CAST: variants seen among roughly 807,000 people sequenced by gnomAD.
CAST encodes the protein calpastatin, also known as MIR583 host.
In CAST, 76 loss-of-function variants were observed where a neutral mutation model predicts 119.6. The observed-to-expected ratio is 0.64, with a 90% CI of 0.53 to 0.77. CAST has a LOEUF of 0.77. CAST is among the 30% of genes least tolerant of loss of function. The pLI, the probability that CAST is intolerant of heterozygous loss-of-function variation, is 0.00. For missense variants in CAST, 953 were observed against 946.5 expected (o/e 1.01, Z -0.09); for synonymous variants, 319 against 331.6 (o/e 0.96, Z 0.41).
intron 1 of CAST, among the ~76,000 whole-genome samples, chr5:96,531,540 A>G (rs1265776172): frequency 6.6e-6 from 1 of 152,226 alleles, no homozygotes; most frequent in Non-Finnish European, 1.5e-5. Context: ...AAAATCTATA[A>G]GTTGGCAAGG....
At chr5:96,181,579 G>A in the CAST span, among the ~76,000 whole-genome samples, 1,105 of 152,306 alleles carry the variant, frequency 7.3e-3, 19 homozygotes, top group African/African-American at 0.026. Flanking sequence ...GGAGACAACC[G>A]AGGTGCAGAT....
chr5:96,326,695 A>ATTTTTTTTTTTTTTTTTTTT, the CAST span, among the ~76,000 whole-genome samples: 50 of 95,744 alleles, frequency 5.2e-4, no homozygotes, highest in Non-Finnish European at 5.3e-4. Context: ...ATGGCTTTTC[A>ATTTTTTTTTTTTTTTTTTTT]TTTTTTTTTT....
the CAST span, among the ~76,000 whole-genome samples, chr5:96,057,848 T>A: frequency 6.6e-6 from 1 of 152,192 alleles, no homozygotes; most frequent in African/African-American, 2.4e-5. Context: ...TACATTTATC[T>A]ATGTTAGATG....
intron 30 of CAST, 46 bp from the exon 31 acceptor site, chr5:96,771,598 T>C (rs772104651): frequency 6.5e-7 from 1 of 1,537,952 alleles, no homozygotes; most frequent in Non-Finnish European, 9.0e-7. Context: ...TCCTCATACT[T>C]AATACAGAAA....
intron 1 of CAST, among the ~76,000 whole-genome samples, chr5:96,643,974 C>T (rs1398772446): frequency 6.6e-6 from 1 of 151,734 alleles, no homozygotes; most frequent in Admixed American, 6.6e-5. Flanking sequence ...TGAACCCAGG[C>T]CGCAGAGGTT....
chr5:96,453,999 C>T, the CAST span, among the ~76,000 whole-genome samples: 2 of 152,194 alleles, frequency 1.3e-5, no homozygotes, highest in Non-Finnish European at 2.9e-5. Context: ...GAATTTTTGA[C>T]CTTCAAGACC....
At chr5:96,386,365 G>A in the CAST span, among the ~76,000 whole-genome samples, 1 of 152,116 alleles carries the variant, frequency 6.6e-6, no homozygotes, top group East Asian at 1.9e-4. Flanking sequence ...TCACTTCAAG[G>A]ATTCCTCGTT....
At chr5:96,758,257 A>G (rs980749691) in intron 24 of CAST, among the ~76,000 whole-genome samples, 1 of 152,182 alleles carries the variant, frequency 6.6e-6, no homozygotes, top group African/African-American at 2.4e-5. Flanking sequence ...ATATTTCTAC[A>G]ATTTATCATT....
the CAST span, among the ~76,000 whole-genome samples, chr5:96,307,811 C>A: frequency 2.6e-5 from 4 of 152,292 alleles, 1 homozygote; most frequent in African/African-American, 2.4e-5. Flanking sequence ...GGGTTTCTCC[C>A]GAGAGATCCA....
chr5:96,032,225 T>C, the CAST span, among the ~76,000 whole-genome samples: 2 of 152,000 alleles, frequency 1.3e-5, no homozygotes, highest in Non-Finnish European at 2.9e-5. Context: ...CTACCACAAA[T>C]GGGATTGTAT....
chr5:96,660,224 A>C (rs1748241687), upstream of CAST, among the ~76,000 whole-genome samples: 1 of 151,968 alleles, frequency 6.6e-6, no homozygotes, highest in Admixed American at 6.6e-5. Context: ...ACACCTCACC[A>C]GCTAGCCAGC....
chr5:96,743,750 A>C (rs1252721298), intron 16 of CAST: 10 of 1,554,750 alleles, frequency 6.4e-6, no homozygotes, highest in Non-Finnish European at 8.8e-6. Context: ...GGACCAAGTA[A>C]TGTATTGGGA....
At chr5:96,394,936 A>G in the CAST span, 1 of 1,614,120 alleles carries the variant, frequency 6.2e-7, no homozygotes. Flanking sequence ...TGTACACACG[A>G]GGCTGCTTCA....
chr5:96,537,834 T>G (rs1177651730), intron 1 of CAST, among the ~76,000 whole-genome samples: 5 of 152,234 alleles, frequency 3.3e-5, no homozygotes, highest in Non-Finnish European at 5.9e-5. Flanking sequence ...TGTAGATACC[T>G]AATTTTTATA....
the CAST span, among the ~76,000 whole-genome samples, chr5:95,999,127 T>G: frequency 1.3e-5 from 2 of 152,150 alleles, no homozygotes; most frequent in African/African-American, 2.4e-5. Flanking sequence ...CCATGCCTAT[T>G]TATAGTTATT....
the CAST span, among the ~76,000 whole-genome samples, chr5:96,500,392 G>T: frequency 6.6e-6 from 1 of 152,124 alleles, no homozygotes; most frequent in African/African-American, 2.4e-5. Flanking sequence ...CTCTATAGTG[G>T]CTGCTCACAT....
the CAST span, among the ~76,000 whole-genome samples, chr5:95,997,781 C>T: frequency 1.6e-3 from 240 of 152,124 alleles, 2 homozygotes; most frequent in Admixed American, 0.012. Context: ...AACTCTATGC[C>T]ATAGTTTTCT....
chr5:96,141,400 A>G, the CAST span, among the ~76,000 whole-genome samples: 2 of 152,262 alleles, frequency 1.3e-5, no homozygotes, highest in Non-Finnish European at 2.9e-5. Context: ...AATGATAAGT[A>G]ACATAGACAC....
chr5:96,306,880 AATTTTAGAATC>A, the CAST span, among the ~76,000 whole-genome samples: 1 of 152,168 alleles, frequency 6.6e-6, no homozygotes, highest in Non-Finnish European at 1.5e-5. Flanking sequence ...CTATGTGGTC[AATTTTAGAATC>A]AGTGCAATGT....
Sources: allele counts gnomAD v4.1 joint callset (sites outside exome capture counted in the v4.1 genomes callset), GRCh38; gene constraint gnomAD v4.1.1; transcripts MANE v1.5; gene names NCBI Gene and HGNC (gene_info 2026-07-23, HGNC 2026-07-21).